DMD: variants seen among roughly 807,000 people sequenced by gnomAD.
DMD encodes mutant dystrophin.
Under a neutral mutation model 330.1 loss-of-function variants are expected in DMD, and 63 were observed. The observed-to-expected ratio is 0.19, with a 90% CI of 0.16 to 0.24. DMD has a LOEUF of 0.24. Among genes scored for constraint, DMD ranks in the 10% least tolerant of loss-of-function variants. DMD has a pLI of 1.00. For synonymous variants in DMD, 1,223 were observed against 959.8 expected, an observed-to-expected ratio of 1.27 and a Z score of -5.07; for missense variants, 3,344 against 2,684.1, an observed-to-expected ratio of 1.25 and a Z score of -5.43.
intron 60 of DMD, among the ~76,000 whole-genome samples, chrX:31,377,630 G>A (rs1046137040): frequency 9.0e-6 from 1 of 111,653 alleles, no homozygotes. Context: ...TACTAGCTGT[G>A]GGCTTTGGGC....
chrX:32,398,862 C>T (rs982585169), intron 30 of DMD, among the ~76,000 whole-genome samples: 7 of 111,415 alleles, frequency 6.3e-5, no homozygotes, highest in Admixed American at 9.6e-5. Flanking sequence ...CTATAGTAAC[C>T]GAAACAGCAT....
chrX:31,604,273 A>G lies in DMD; in HGVS notation c.8217+23400T>C, dbSNP rs563844180. Among the ~76,000 whole-genome samples the G allele has an allele frequency of 9.8e-5, 11 of 111,999 alleles. No individual in the cohort carries two copies. In the South Asian group the frequency reaches 4.1e-3, roughly 41 times the overall value. On this transcript the variant is annotated intron_variant, in intron 55 of 78. Transcript: ENST00000357033. The stretch of plus-strand genomic sequence containing the variant: ...ATAGTAACTCATTGTTTTACATTGG[A>G]GGCTAAATAGAATGATATGTTTTAA...
chrX:32,042,345 G>A (rs777078181), intron 44 of DMD, among the ~76,000 whole-genome samples: 1 of 108,968 alleles, frequency 9.2e-6, no homozygotes, highest in South Asian at 3.9e-4. Flanking sequence ...GAAGGTGAAG[G>A]GCATAGTAGA....
At chrX:32,127,141 C>A (rs1056996994) in intron 44 of DMD, among the ~76,000 whole-genome samples, 1 of 111,531 alleles carries the variant, frequency 9.0e-6, no homozygotes, top group Non-Finnish European at 1.9e-5. Context: ...GGTTTCTAGC[C>A]CCAGAAGGCC....
At position 32,827,985 on chromosome X, in the gene DMD, A is replaced by G. The variant is rs140040990; in HGVS notation, c.265-4598T>C. On this transcript the variant is annotated intron_variant, in intron 4 of 78. Coordinates refer to ENST00000357033, the MANE Select transcript of DMD (RefSeq NM_004006.3). Reference sequence around the variant, plus strand: ...CTAACTCCCACTTATAAGTGAGAACATGTGATATTTGGTTTTCTGTTCATG... The same window carrying G: ...CTAACTCCCACTTATAAGTGAGAACGTGTGATATTTGGTTTTCTGTTCATG... Among the ~76,000 whole-genome samples, 910 of 111,311 alleles carry G rather than the reference A, an allele frequency of 8.2e-3. 12 individuals carry two copies. Among genetic ancestry groups the G allele is most frequent in the African/African-American group, 0.029 (875 of 30,625 alleles).
At position 32,534,375 on chromosome X, in the gene DMD, C is replaced by T. The variant is rs758708676; in HGVS notation, c.2168+10784G>A. On this transcript the variant is annotated intron_variant, in intron 17 of 78. Coordinates refer to ENST00000357033, the MANE Select transcript of DMD (RefSeq NM_004006.3). ...CCCTCACGGCTTAGTGCTGTCTTTGCGATAGTGAGTTCTCCTGAGAGAACT... is the reference window on the plus strand; with the variant it reads ...CCCTCACGGCTTAGTGCTGTCTTTGTGATAGTGAGTTCTCCTGAGAGAACT... Among the ~76,000 whole-genome samples, 7 of 111,239 alleles carry T rather than the reference C, an allele frequency of 6.3e-5. No homozygotes were observed. The South Asian group carries it at 1.9e-3, about 30-fold the overall frequency.
intron 1 of DMD, among the ~76,000 whole-genome samples, chrX:33,258,677 A>G (rs1569559243): frequency 9.0e-6 from 1 of 110,905 alleles, no homozygotes; most frequent in Non-Finnish European, 1.9e-5. Context: ...GTATGTCTTT[A>G]GAGCCCTGAT....
intron 62 of DMD, among the ~76,000 whole-genome samples, chrX:31,278,924 T>C (rs1470712061): frequency 8.9e-6 from 1 of 112,177 alleles, no homozygotes; most frequent in Non-Finnish European, 1.9e-5. Flanking sequence ...ATAATTATCA[T>C]GATTTTTAAA....
chrX:32,757,616 GTTTCCCGGAACATGC>G (rs1271406012), intron 7 of DMD, among the ~76,000 whole-genome samples: 2 of 110,777 alleles, frequency 1.8e-5, no homozygotes, highest in Non-Finnish European at 3.8e-5. Context: ...ATACAAGAAA[GTTTCCCGGAACATGC>G]TTTCTCTTCT....
chrX:32,791,678 C>G (rs2075829748), intron 7 of DMD, among the ~76,000 whole-genome samples: 1 of 111,755 alleles, frequency 8.9e-6, no homozygotes, highest in African/African-American at 3.3e-5. Flanking sequence ...AAATAACCTA[C>G]TCAAACAAAA....
chrX:32,617,187 T>C (rs2057649701), intron 11 of DMD, among the ~76,000 whole-genome samples: 1 of 110,454 alleles, frequency 9.1e-6, no homozygotes, highest in Admixed American at 9.7e-5. Context: ...CAGGAGTCTC[T>C]TAGTATACCC....
At chrX:33,119,681 T>G (rs1163926419) in intron 1 of DMD, among the ~76,000 whole-genome samples, 3 of 111,807 alleles carry the variant, frequency 2.7e-5, no homozygotes. Flanking sequence ...CAGTAACGAA[T>G]TTTAATCAGA....
intron 30 of DMD, among the ~76,000 whole-genome samples, chrX:32,394,908 C>CAAAAACAAAAACAAAACAAAA (rs1557326692): frequency 2.7e-5 from 1 of 37,130 alleles, no homozygotes; most frequent in Non-Finnish European, 4.9e-5. Flanking sequence ...GAGCAAAAAA[C>CAAAAACAAAAACAAAACAAAA]AAAAAAACAA....
intron 50 of DMD, among the ~76,000 whole-genome samples, chrX:31,817,839 G>A (rs982021292): frequency 9.0e-6 from 1 of 111,615 alleles, no homozygotes; most frequent in Non-Finnish European, 1.9e-5. Context: ...TTAATATTCC[G>A]TCATCTTGTT....
At chrX:31,129,601 A>C (rs113313837) in intron 77 of DMD, among the ~76,000 whole-genome samples, 1 of 112,245 alleles carries the variant, frequency 8.9e-6, no homozygotes, top group Non-Finnish European at 1.9e-5. Context: ...TGCCCTGGTA[A>C]TGAGAAAGCA....
chrX:32,397,062 C>G (rs1313736905), intron 30 of DMD, among the ~76,000 whole-genome samples: 2 of 111,269 alleles, frequency 1.8e-5, no homozygotes, highest in South Asian at 7.4e-4. Flanking sequence ...TAATCATTTT[C>G]TTTTTTGACA....
intron 50 of DMD, among the ~76,000 whole-genome samples, chrX:31,814,438 G>C (rs1203404995): frequency 3.7e-5 from 3 of 82,174 alleles, no homozygotes; most frequent in African/African-American, 5.0e-5. Context: ...AGCCGAGATC[G>C]CGCCACTGCA....
intron 1 of DMD, among the ~76,000 whole-genome samples, chrX:33,070,673 C>A (rs201748224): frequency 3.2e-3 from 115 of 35,633 alleles, no homozygotes; most frequent in African/African-American, 6.3e-3. Context: ...CTCTCTCTCT[C>A]TATATATATA....
chrX:33,338,494 A>AATAAATAAATAAATGC (rs1260109562), intron 1 of DMD, among the ~76,000 whole-genome samples: 1 of 108,507 alleles, frequency 9.2e-6, no homozygotes, highest in African/African-American at 3.4e-5. Context: ...TAAATAAATA[A>AATAAATAAATAAATGC]ATGCTCACAT....
Sources: allele counts gnomAD v4.1 joint callset (sites outside exome capture counted in the v4.1 genomes callset), GRCh38; gene constraint gnomAD v4.1.1; transcripts MANE v1.5; gene names NCBI Gene and HGNC (gene_info 2026-07-23, HGNC 2026-07-21).